Variants in FZD3 observed in about 807,000 individuals in gnomAD.
FZD3 encodes frizzled-3.
Under a neutral mutation model 60.7 loss-of-function variants are expected in FZD3, and 30 were observed. The ratio of observed to expected loss-of-function variants is 0.49; its 90% confidence interval spans 0.37 to 0.67. The LOEUF (loss-of-function observed/expected upper bound fraction) is 0.67, where lower values mean the gene tolerates loss of function less well. Ranked by LOEUF, FZD3 falls within the 30% of genes least tolerant of loss-of-function variation. The pLI is 0.00. For missense variants in FZD3, 605 were observed against 838.7 expected (o/e 0.72, Z 3.44); for synonymous variants, 246 against 275.2 (o/e 0.89, Z 1.05).
At chr8:28,558,461 C>T (rs1367081852) in intron 7 of FZD3, among the ~76,000 whole-genome samples, 1 of 151,410 alleles carries the variant, frequency 6.6e-6, no homozygotes, top group Non-Finnish European at 1.5e-5. Context: ...GGCAGAGACT[C>T]ACTTTGTTGC....
intron 1 of FZD3, among the ~76,000 whole-genome samples, chr8:28,494,959 C>T (rs1002538002): frequency 2.0e-5 from 3 of 152,170 alleles, no homozygotes; most frequent in Non-Finnish European, 2.9e-5. Flanking sequence ...AGTCCTTGCT[C>T]CCTTCCGCGA....
In FZD3 at chr8:28,573,578, C is replaced by G. The variant is rs1292383370; in HGVS notation, c.*10567C>G. The G allele has an allele frequency of 2.7e-5, 4 of 150,536 alleles. No individual in the cohort carries two copies. The highest frequency in any genetic ancestry group is 6.7e-5 in the Admixed American group (1 of 14,962). 9.3% of individuals were successfully genotyped at this position (150,536 alleles called of 1,614,324 possible). A position where few individuals can be genotyped will look rare whatever the true frequency, so the allele number is the denominator to read the frequency against. ...GCCTGCTGATCCTGTTTTTTAAGTT[C>G]AAGCGCAATGCCTGAAGCATCCTAG... On this transcript the variant is annotated 3_prime_UTR_variant, in exon 8 of 8. Coordinates refer to ENST00000240093, the MANE Select transcript of FZD3 (RefSeq NM_017412.4).
chr8:28,557,301 G>C (rs906659837), intron 7 of FZD3, among the ~76,000 whole-genome samples: 1 of 151,256 alleles, frequency 6.6e-6, no homozygotes, highest in Admixed American at 6.6e-5. Context: ...AATATTTTTT[G>C]GGGTGTTTTT....
chr8:28,531,551 C>T (rs1481670427), intron 5 of FZD3, among the ~76,000 whole-genome samples: 3 of 152,046 alleles, frequency 2.0e-5, no homozygotes, highest in Non-Finnish European at 2.9e-5. Context: ...CAACTTAAGT[C>T]GTTATTTTAA....
intron 7 of FZD3, among the ~76,000 whole-genome samples, chr8:28,559,976 G>C (rs1295134231): frequency 6.6e-6 from 1 of 152,204 alleles, no homozygotes; most frequent in African/African-American, 2.4e-5. Flanking sequence ...CAAAGAATAA[G>C]TAATTGGTGG....
At chr8:28,542,995 A>G (rs986482555) in intron 5 of FZD3, among the ~76,000 whole-genome samples, 3 of 152,140 alleles carry the variant, frequency 2.0e-5, no homozygotes, top group Non-Finnish European at 2.9e-5. Flanking sequence ...ATCTCTAAGG[A>G]TAGGATTTAG....
chr8:28,529,425 T>C (rs352208), intron 5 of FZD3, among the ~76,000 whole-genome samples: 95,233 of 151,960 alleles, frequency 0.63, 30,276 homozygotes, highest in African/African-American at 0.72. Flanking sequence ...GTTTCCCCTA[T>C]TACTATACTC....
chr8:28,546,131 A>G (rs370147690), intron 5 of FZD3, among the ~76,000 whole-genome samples: 15 of 152,314 alleles, frequency 9.8e-5, no homozygotes, highest in African/African-American at 2.9e-4. Flanking sequence ...TATTCGCGCA[A>G]TGACAAAACT....
intron 7 of FZD3, among the ~76,000 whole-genome samples, chr8:28,558,983 T>C (rs1805566181): frequency 6.6e-6 from 1 of 152,124 alleles, no homozygotes; most frequent in Non-Finnish European, 1.5e-5. Context: ...AAGCCAGGAA[T>C]ATAATTAAGA....
chr8:28,500,018 T>A (rs1803947825), intron 2 of FZD3, 40 bp downstream of exon 2: 1 of 152,216 alleles, frequency 6.6e-6, no homozygotes, highest in Non-Finnish European at 1.5e-5. Flanking sequence ...GGATTCAGAT[T>A]TCCAGGGGAA....
intron 3 of FZD3, among the ~76,000 whole-genome samples, chr8:28,518,488 G>T (rs757316531): frequency 7.2e-5 from 11 of 152,148 alleles, no homozygotes; most frequent in Non-Finnish European, 1.2e-4. Flanking sequence ...AGAAAGTCTG[G>T]TATGTTGAGA....
chr8:28,535,656 G>A (rs1330585029), intron 5 of FZD3, among the ~76,000 whole-genome samples: 1 of 152,076 alleles, frequency 6.6e-6, no homozygotes, highest in Non-Finnish European at 1.5e-5. Flanking sequence ...AGTATTGAAT[G>A]CCTAAATTCT....
chr8:28,517,318 C>CT (rs1401411346), intron 3 of FZD3, among the ~76,000 whole-genome samples: 1 of 152,132 alleles, frequency 6.6e-6, no homozygotes, highest in East Asian at 1.9e-4. Context: ...CTGTCGCCTC[C>CT]TTGAAGGTAA....
chr8:28,553,873 T>G (rs546976284), intron 6 of FZD3, among the ~76,000 whole-genome samples: 1 of 152,366 alleles, frequency 6.6e-6, no homozygotes, highest in East Asian at 1.9e-4. Context: ...AGCACTGTTC[T>G]AAGCACTTTA....
chr8:28,549,331 G>C (rs1371065949), intron 5 of FZD3, among the ~76,000 whole-genome samples: 1 of 152,146 alleles, frequency 6.6e-6, no homozygotes, highest in Non-Finnish European at 1.5e-5. Context: ...GGATAGAGGA[G>C]ACAGTTTAGC....
intron 5 of FZD3, among the ~76,000 whole-genome samples, chr8:28,549,526 T>TAATTATTTTA: frequency 6.6e-6 from 1 of 152,194 alleles, no homozygotes; most frequent in Non-Finnish European, 1.5e-5. Context: ...AATGATCACA[T>TAATTATTTTA]TGCCTCCTCC....
intron 5 of FZD3, among the ~76,000 whole-genome samples, chr8:28,530,870 C>T (rs937836250): frequency 2.6e-5 from 4 of 152,182 alleles, no homozygotes; most frequent in African/African-American, 9.6e-5. Flanking sequence ...AATTCTTTAA[C>T]TCAACATTTT....
At chr8:28,544,965 G>A (rs916489956) in intron 5 of FZD3, among the ~76,000 whole-genome samples, 18 of 152,202 alleles carry the variant, frequency 1.2e-4, no homozygotes, top group African/African-American at 4.3e-4. Context: ...AGAGGGCTCA[G>A]TGTACTAGTT....
At chr8:28,508,709 G>A (rs772107332) in intron 3 of FZD3, among the ~76,000 whole-genome samples, 1 of 150,286 alleles carries the variant, frequency 6.7e-6, no homozygotes, top group Non-Finnish European at 1.5e-5. Flanking sequence ...TTTGTTTGTA[G>A]AGACAGGGTT....
Sources: gnomAD v4.1 joint callset for allele counts (sites outside exome capture counted in the v4.1 genomes callset) on GRCh38, gnomAD v4.1.1 for gene constraint, MANE v1.5 for transcripts, NCBI Gene and HGNC (gene_info 2026-07-23, HGNC 2026-07-21) for gene names.